PCDHA8: variants seen among roughly 807,000 people sequenced by gnomAD.
PCDHA8 encodes the protein protocadherin alpha-8.
PCDHA8 carries 53 observed loss-of-function variants against 61.8 expected under a neutral mutation model. The ratio of observed to expected loss-of-function variants is 0.86; its 90% CI spans 0.69 to 1.08. PCDHA8 has a LOEUF of 1.08. PCDHA8 is among the 50% of genes least tolerant of loss of function. The pLI, the probability that PCDHA8 is intolerant of heterozygous loss-of-function variation, is 0.00. For missense variants in PCDHA8, 1,293 were observed against 1,245.0 expected, an observed-to-expected ratio of 1.04 and a Z score of -0.58; for synonymous variants, 618 against 556.6, an observed-to-expected ratio of 1.11 and a Z score of -1.55.
At chr5:140,934,528 G>C (rs782284913) in intron 1 of PCDHA8, among the ~76,000 whole-genome samples, 1 of 152,116 alleles carries the variant, frequency 6.6e-6, no homozygotes, top group African/African-American at 2.4e-5. Flanking sequence ...CACTTCGAGA[G>C]CTACCGTTCT....
chr5:141,010,327 G>A lies in PCDHA8; in HGVS notation c.*390G>A. 2 of 1,539,744 alleles carry A rather than the reference G, an allele frequency of 1.3e-6. No individual in the cohort carries two copies. Among genetic ancestry groups the A allele is most frequent in the African/African-American group, 2.8e-5 (2 of 72,602 alleles). ...AAAGTTTTGAGATTGAGCAGCTTGG[G>A]AGTTTGTGGCCACTGGGTATGTGTG... On this transcript the variant is annotated 3_prime_UTR_variant, in exon 4 of 4. Transcript: ENST00000531613.
At chr5:140,962,781 T>A (rs1466674099) in intron 1 of PCDHA8, among the ~76,000 whole-genome samples, 1 of 152,228 alleles carries the variant, frequency 6.6e-6, no homozygotes, top group African/African-American at 2.4e-5. Context: ...ATGGAATTTT[T>A]AAAAACTACT....
At chr5:140,935,570 T>C (rs2090442737) in intron 1 of PCDHA8, among the ~76,000 whole-genome samples, 1 of 152,236 alleles carries the variant, frequency 6.6e-6, no homozygotes, top group South Asian at 2.1e-4. Context: ...TTCCTCTCTG[T>C]GTAGTTAAGC....
At chr5:140,852,355 G>A in intron 1 of PCDHA8, 1 of 208,524 alleles carries the variant, frequency 4.8e-6, no homozygotes, top group Non-Finnish European at 9.3e-6. Context: ...TTGGCTCACT[G>A]CAACGTCTGC....
intron 1 of PCDHA8, chr5:140,883,246 AAATATTCCAATGGCGGG>A: frequency 6.2e-7 from 1 of 1,614,082 alleles, no homozygotes; most frequent in Admixed American, 1.7e-5. Context: ...TTGACAAAGG[AAATATTCCAATGGCGGG>A]TCATTGTACC....
chr5:140,842,285 G>A lies in PCDHA8; in HGVS notation c.964G>A (p.Ala322Thr), dbSNP rs1777851856. 1.9e-6 allele frequency: 3 copies of A among 1,610,382 alleles called. No homozygotes were observed. The highest frequency in any genetic ancestry group is 2.5e-6 in the Non-Finnish European group (3 of 1,176,908). Residue 322 changes from alanine (A) to threonine (T), a missense_variant, in exon 1 of 4, where the codon GCC becomes ACC. Transcript: ENST00000531613. ...AAACTTATACAAAATCCTCATTGAC[G>A]CCACGGACAAAGGCCATCCTCCCAT... ...QENLYKILID[A>T]TDKGHPPMAG...
chr5:140,979,146 TC>T (rs2096836943), intron 2 of PCDHA8, 139 bp downstream of exon 2: 2 of 1,444,078 alleles, frequency 1.4e-6, no homozygotes, highest in African/African-American at 2.9e-5. Context: ...AATTATTTTG[TC>T]CCCATGTTTA....
chr5:140,875,033 T>G (rs1377177254), intron 1 of PCDHA8, among the ~76,000 whole-genome samples: 1 of 152,236 alleles, frequency 6.6e-6, no homozygotes, highest in Non-Finnish European at 1.5e-5. Context: ...CTACTGTATT[T>G]GAAAGATTTC....
intron 1 of PCDHA8, chr5:140,884,124 G>C: frequency 6.2e-7 from 1 of 1,613,344 alleles, no homozygotes; most frequent in Non-Finnish European, 8.5e-7. Flanking sequence ...GTCGGCGCGC[G>C]CATCCCGTTC....
chr5:140,929,931 A>G (rs2086483535), intron 1 of PCDHA8: 1 of 152,250 alleles, frequency 6.6e-6, no homozygotes, highest in Non-Finnish European at 1.5e-5. Flanking sequence ...AAAACAGTGT[A>G]TTCTCTAGCC....
At chr5:140,872,804 A>G (rs918819226) in intron 1 of PCDHA8, among the ~76,000 whole-genome samples, 1 of 152,170 alleles carries the variant, frequency 6.6e-6, no homozygotes, top group Admixed American at 6.5e-5. Flanking sequence ...ATTCTTCCAT[A>G]AGTTTTTCAG....
intron 3 of PCDHA8, among the ~76,000 whole-genome samples, chr5:141,001,598 G>C (rs2098027263): frequency 6.6e-6 from 1 of 152,088 alleles, no homozygotes; most frequent in South Asian, 2.1e-4. Flanking sequence ...ACTCAGATTA[G>C]GTTTGCCCAA....
chr5:140,882,081 T>G, intron 1 of PCDHA8: 1 of 985,220 alleles, frequency 1.0e-6, no homozygotes, highest in Non-Finnish European at 1.5e-6. Context: ...ATGGTGTCGC[T>G]CTTCACTGAG....
intron 1 of PCDHA8, among the ~76,000 whole-genome samples, chr5:140,846,375 T>TG (rs1272448180): frequency 8.0e-6 from 1 of 125,456 alleles, no homozygotes; most frequent in African/African-American, 3.3e-5. Flanking sequence ...CTTTCTTTCT[T>TG]TTTTTTTTTT....
rs1554263543 is a variant in PCDHA8, at chr5:141,011,545, G to A, written c.*1608G>A. 1 of 153,624 alleles carries A rather than the reference G, an allele frequency of 6.5e-6. No individual in the cohort carries two copies. Among genetic ancestry groups the A allele is most frequent in the Non-Finnish European group, 1.5e-5 (1 of 68,004 alleles). 9.5% of individuals were successfully genotyped at this position (153,624 alleles called of 1,614,324 possible). A position where few individuals can be genotyped will look rare whatever the true frequency, so the allele number is the denominator to read the frequency against. Reference sequence around the variant, plus strand: ...TTAACCATTGTTAATCAGCTTTTGTGTATGAAAGACACAGTAAAATTTCTT... The same window carrying A: ...TTAACCATTGTTAATCAGCTTTTGTATATGAAAGACACAGTAAAATTTCTT... On this transcript the variant is annotated 3_prime_UTR_variant, in exon 4 of 4. Coordinates refer to ENST00000531613, the MANE Select transcript of PCDHA8 (RefSeq NM_018911.3).
intron 1 of PCDHA8, among the ~76,000 whole-genome samples, chr5:140,901,870 TTTC>T (rs2068953949): frequency 6.6e-6 from 1 of 152,202 alleles, no homozygotes. Flanking sequence ...TCCTCTTCAA[TTTC>T]TTTCATCAGC....
intron 3 of PCDHA8, among the ~76,000 whole-genome samples, chr5:141,007,031 T>C (rs1554261019): frequency 6.6e-6 from 1 of 152,144 alleles, no homozygotes; most frequent in African/African-American, 2.4e-5. Flanking sequence ...ATGGTATTTA[T>C]ATCTATGGAT....
Position 141,000,421 on chromosome 5 carries a change from A to ATTTTTTT in PCDHA8, c.2543-9189_2543-9183dup, listed in dbSNP as rs34755515. Among the ~76,000 whole-genome samples the ATTTTTTT allele has an allele frequency of 5.7e-4, 16 of 27,980 alleles. 1 individual carries two copies. Among genetic ancestry groups the ATTTTTTT allele is most frequent in the African/African-American group, 8.9e-4 (5 of 5,638 alleles). 18.4% of individuals were successfully genotyped at this position (27,980 alleles called of 152,430 possible). ...TATATATATATATATATATATATAT[A>ATTTTTTT]TTTTTTTTTTTTTTTTTTTTTTTGA... On this transcript the variant is annotated intron_variant, in intron 3 of 3. Coordinates refer to ENST00000531613, the MANE Select transcript of PCDHA8 (RefSeq NM_018911.3).
In PCDHA8 at chr5:141,011,905, G is replaced by C. The variant is rs1400272126; in HGVS notation, c.*1968G>C. 4 of 153,222 alleles carry C rather than the reference G, an allele frequency of 2.6e-5. No individual in the cohort carries two copies. Among genetic ancestry groups the C allele is most frequent in the African/African-American group, 9.7e-5 (4 of 41,224 alleles). The allele number at this position is 153,222 out of a possible 1,614,324, so 9.5% of individuals were successfully genotyped here. A position where few individuals can be genotyped will look rare whatever the true frequency, so the allele number is the denominator to read the frequency against. ...TTGATTAATTATATTATCTATTTAG[G>C]CATTAATATAAAAGAGGTAGGAGTC... On this transcript the variant is annotated 3_prime_UTR_variant, in exon 4 of 4. Coordinates refer to ENST00000531613, the MANE Select transcript of PCDHA8 (RefSeq NM_018911.3).
Sources: gnomAD v4.1 joint callset for allele counts (sites outside exome capture counted in the v4.1 genomes callset) on GRCh38, gnomAD v4.1.1 for gene constraint, MANE v1.5 for transcripts, NCBI Gene and HGNC (gene_info 2026-07-23, HGNC 2026-07-21) for gene names.